Variants in CDH12 observed in about 807,000 individuals in gnomAD.
CDH12 encodes cadherin 12, also known as cadherin-12.
CDH12 carries 41 observed loss-of-function variants against 74.1 expected under a neutral mutation model. That is an observed-to-expected ratio of 0.55 (90% CI 0.43 to 0.72). The LOEUF is 0.72. Among genes scored for constraint, CDH12 ranks in the 30% least tolerant of loss-of-function variants. The pLI is 0.00. For synonymous variants in CDH12, 399 were observed against 355.0 expected (o/e 1.12, Z -1.39); for missense variants, 945 against 977.2 (o/e 0.97, Z 0.44).
At chr5:22,422,467 G>A (rs1042766346) in intron 2 of CDH12, among the ~76,000 whole-genome samples, 6 of 151,750 alleles carry the variant, frequency 4.0e-5, no homozygotes, top group Middle Eastern at 6.8e-3. Flanking sequence ...TGTTGAATTC[G>A]GTTTGCCAGT....
intron 2 of CDH12, among the ~76,000 whole-genome samples, chr5:22,418,792 G>A (rs940707530): frequency 3.1e-4 from 47 of 152,090 alleles, no homozygotes; most frequent in Admixed American, 1.4e-3. Flanking sequence ...GCTGAGGCAG[G>A]AGAATTGCTT....
At chr5:22,017,081 T>C (rs1737655444) in intron 5 of CDH12, among the ~76,000 whole-genome samples, 2 of 152,102 alleles carry the variant, frequency 1.3e-5, no homozygotes, top group Non-Finnish European at 2.9e-5. Context: ...GAGCAAATGT[T>C]GGCCACCATA....
intron 1 of CDH12, among the ~76,000 whole-genome samples, chr5:22,709,995 G>A (rs1199092685): frequency 6.6e-6 from 1 of 152,122 alleles, no homozygotes; most frequent in African/African-American, 2.4e-5. Flanking sequence ...ATGAGTCATA[G>A]CCTAGCAAAG....
intron 1 of CDH12, among the ~76,000 whole-genome samples, chr5:22,706,027 A>C (rs575619435): frequency 1.6e-4 from 24 of 152,142 alleles, no homozygotes; most frequent in African/African-American, 5.8e-4. Context: ...AATTTTGGAG[A>C]GGTTTCAGAG....
rs569765709 is a variant in CDH12, at chr5:21,781,632, G to C, written c.1393+1726C>G. ...CCAGCTACTCGGTGGGTTGAGGCAG[G>C]AGAATCGCTTGAACCCAGAAGGCGG... On this transcript the variant is annotated intron_variant, in intron 11 of 14. Transcript: ENST00000382254. Among the ~76,000 whole-genome samples, 11 of 151,930 alleles carry C rather than the reference G, an allele frequency of 7.2e-5. No individual in the cohort carries two copies. The East Asian group carries it at 2.1e-3, about 29-fold the overall frequency.
chr5:22,293,120 T>C (rs1737468804), intron 3 of CDH12, among the ~76,000 whole-genome samples: 1 of 152,146 alleles, frequency 6.6e-6, no homozygotes, highest in Non-Finnish European at 1.5e-5. Context: ...TTTGGCACCC[T>C]TAGTTCTGAA....
At chr5:22,026,168 G>A (rs763504553) in intron 5 of CDH12, among the ~76,000 whole-genome samples, 21 of 152,028 alleles carry the variant, frequency 1.4e-4, no homozygotes, top group Non-Finnish European at 2.6e-4. Flanking sequence ...ATCCATCAGA[G>A]GCATGGCGCC....
At chr5:22,128,921 G>A (rs1301469492) in intron 4 of CDH12, among the ~76,000 whole-genome samples, 1 of 152,170 alleles carries the variant, frequency 6.6e-6, no homozygotes, top group Non-Finnish European at 1.5e-5. Flanking sequence ...GCTACAGTGG[G>A]ATGGATTTAA....
At chr5:22,057,498 A>G (rs1740823322) in intron 5 of CDH12, among the ~76,000 whole-genome samples, 1 of 152,160 alleles carries the variant, frequency 6.6e-6, no homozygotes. Flanking sequence ...TCCAAACTCA[A>G]TATCAGAATC....
chr5:22,053,693 A>C (rs886899954), intron 5 of CDH12, among the ~76,000 whole-genome samples: 2 of 152,116 alleles, frequency 1.3e-5, no homozygotes, highest in African/African-American at 4.8e-5. Context: ...TAAGAAAATA[A>C]TACCTACATA....
In CDH12 at chr5:21,945,500, TAA is replaced by T. The variant is rs1755538942; in HGVS notation, c.526+29589_526+29590del. On this transcript the variant is annotated intron_variant, in intron 6 of 14. Coordinates refer to ENST00000382254, the MANE Select transcript of CDH12 (RefSeq NM_004061.5). Reference sequence around the variant, plus strand: ...AACAAGGATTTTAAAGAAACCATCATAAAAGTGTTTAAATAAGCAATTATATA... The same window carrying T: ...AACAAGGATTTTAAAGAAACCATCATAAGTGTTTAAATAAGCAATTATATA... Among the ~76,000 whole-genome samples, 6 of 120,448 alleles carry T rather than the reference TAA, an allele frequency of 5.0e-5. No homozygotes were observed. In the South Asian group the frequency reaches 1.7e-3, roughly 35 times the overall value. 79.0% of individuals were successfully genotyped at this position (120,448 alleles called of 152,430 possible). A position where few individuals can be genotyped will look rare whatever the true frequency, so the allele number is the denominator to read the frequency against.
chr5:21,938,043 C>T (rs7737035), intron 6 of CDH12, among the ~76,000 whole-genome samples: 42,690 of 151,994 alleles, frequency 0.28, 9,408 homozygotes, highest in African/African-American at 0.61. Context: ...ACATCTGTGC[C>T]GACCCATGTG....
chr5:22,080,625 T>A (rs1316871065), intron 4 of CDH12, among the ~76,000 whole-genome samples: 1 of 152,110 alleles, frequency 6.6e-6, no homozygotes, highest in Non-Finnish European at 1.5e-5. Context: ...CAATTTGGGA[T>A]CATGATGTGC....
At chr5:22,103,696 C>T (rs1269118851) in intron 4 of CDH12, among the ~76,000 whole-genome samples, 2 of 152,180 alleles carry the variant, frequency 1.3e-5, no homozygotes, top group Admixed American at 6.6e-5. Context: ...CAAAGTCACT[C>T]ATTCTGAATT....
At chr5:22,787,668 C>T (rs1747703899) in intron 1 of CDH12, among the ~76,000 whole-genome samples, 1 of 151,840 alleles carries the variant, frequency 6.6e-6, no homozygotes, top group African/African-American at 2.4e-5. Flanking sequence ...TTTCTAAGGG[C>T]GCCTTTGGCT....
chr5:22,673,647 T>C (rs941403072), intron 1 of CDH12, among the ~76,000 whole-genome samples: 1 of 152,306 alleles, frequency 6.6e-6, no homozygotes, highest in African/African-American at 2.4e-5. Flanking sequence ...ATACCACAGA[T>C]AATTAAGTGT....
At chr5:22,713,102 AT>A (rs1743371588) in intron 1 of CDH12, among the ~76,000 whole-genome samples, 1 of 133,472 alleles carries the variant, frequency 7.5e-6, no homozygotes, top group Non-Finnish European at 1.6e-5. Flanking sequence ...CTCCTCTGTC[AT>A]TTACTTTCCA....
At chr5:21,781,177 C>T (rs886656867) in intron 11 of CDH12, among the ~76,000 whole-genome samples, 9 of 152,212 alleles carry the variant, frequency 5.9e-5, no homozygotes, top group Non-Finnish European at 1.0e-4. Flanking sequence ...GAGTGAATTT[C>T]CCATGGTCAG....
intron 3 of CDH12, among the ~76,000 whole-genome samples, chr5:22,232,081 C>T (rs1428291748): frequency 6.6e-6 from 1 of 151,690 alleles, no homozygotes; most frequent in Non-Finnish European, 1.5e-5. Context: ...TTAAGGATCA[C>T]AGAAATATGC....
Sources: allele counts gnomAD v4.1 joint callset (sites outside exome capture counted in the v4.1 genomes callset), GRCh38; gene constraint gnomAD v4.1.1; transcripts MANE v1.5; gene names NCBI Gene and HGNC (gene_info 2026-07-23, HGNC 2026-07-21).